AGO3: variants seen among roughly 807,000 people sequenced by gnomAD.
AGO3 encodes argonaute RISC catalytic component 3.
A neutral mutation model predicts 105.5 loss-of-function variants in AGO3; 16 were observed. That is an observed-to-expected ratio of 0.15 (90% CI 0.10 to 0.23). AGO3 has a LOEUF of 0.23. AGO3 is among the 10% of genes least tolerant of loss of function. The probability of loss-of-function intolerance (pLI) is 1.00; values close to 1 mark genes in which losing one functional copy is unlikely to be tolerated. For synonymous variants in AGO3, 340 were observed against 367.3 expected (o/e 0.93, Z 0.85); for missense variants, 534 against 1,088.0 (o/e 0.49, Z 7.16).
At chr1:35,973,635 C>T (rs1397281433) in intron 5 of AGO3, 124 bp downstream of exon 5, 1 of 1,091,522 alleles carries the variant, frequency 9.2e-7, no homozygotes, top group Non-Finnish European at 1.2e-6. Flanking sequence ...GTATTATGAT[C>T]TACTGGAGAA....
chr1:35,942,899 C>G (rs1022871966), intron 1 of AGO3, among the ~76,000 whole-genome samples: 1 of 152,164 alleles, frequency 6.6e-6, no homozygotes, highest in African/African-American at 2.4e-5. Context: ...TCTCAACTCC[C>G]GGTGACCACA....
At chr1:36,014,920 C>T (rs1640824657) in intron 11 of AGO3, among the ~76,000 whole-genome samples, 1 of 152,156 alleles carries the variant, frequency 6.6e-6, no homozygotes, top group South Asian at 2.1e-4. Flanking sequence ...TCTGCTCTCA[C>T]ACCAGAGCAA....
intron 16 of AGO3, 84 bp downstream of exon 16, chr1:36,040,525 A>G: frequency 6.8e-7 from 1 of 1,463,168 alleles, no homozygotes; most frequent in Non-Finnish European, 9.4e-7. Context: ...GCCCTCTGCC[A>G]ACAGCAGGAT....
At chr1:36,047,923 A>C (rs561217596) in intron 17 of AGO3, among the ~76,000 whole-genome samples, 1 of 151,924 alleles carries the variant, frequency 6.6e-6, no homozygotes, top group Non-Finnish European at 1.5e-5. Context: ...AAATCTGGGG[A>C]GAAATATAGA....
At chr1:35,940,014 G>T (rs373236841) in intron 1 of AGO3, among the ~76,000 whole-genome samples, 2 of 151,514 alleles carry the variant, frequency 1.3e-5, no homozygotes, top group East Asian at 3.9e-4. Flanking sequence ...TCTAATCATT[G>T]TTCAAATTTT....
intron 12 of AGO3, among the ~76,000 whole-genome samples, chr1:36,033,165 A>C (rs912711486): frequency 4.0e-5 from 6 of 151,664 alleles, no homozygotes; most frequent in African/African-American, 1.5e-4. Flanking sequence ...AAAAAAAATA[A>C]AAAGTAAATA....
intron 9 of AGO3, among the ~76,000 whole-genome samples, chr1:36,010,595 C>G (rs1165700454): frequency 1.4e-4 from 20 of 144,906 alleles, no homozygotes; most frequent in African/African-American, 5.1e-4. Context: ...GAGTGAGACT[C>G]TGTCTCAAAA....
At chr1:36,014,249 C>A (rs191544133) in intron 11 of AGO3, among the ~76,000 whole-genome samples, 1 of 151,858 alleles carries the variant, frequency 6.6e-6, no homozygotes, top group South Asian at 2.1e-4. Context: ...ACCTCCACCT[C>A]CCAGGCTCAA....
chr1:35,991,290 T>G (rs1169394938), intron 5 of AGO3, among the ~76,000 whole-genome samples: 1 of 151,910 alleles, frequency 6.6e-6, no homozygotes. Context: ...TGAGACTCCA[T>G]CTCCAAAAAC....
At chr1:35,937,776 G>T (rs1571404017) in intron 1 of AGO3, among the ~76,000 whole-genome samples, 1 of 152,106 alleles carries the variant, frequency 6.6e-6, no homozygotes, top group Non-Finnish European at 1.5e-5. Flanking sequence ...TTATTTAATT[G>T]TAATGAGCCT....
chr1:35,948,844 A>G (rs1303210301), intron 2 of AGO3, among the ~76,000 whole-genome samples: 1 of 152,052 alleles, frequency 6.6e-6, no homozygotes, highest in Non-Finnish European at 1.5e-5. Context: ...TAGATTTGTA[A>G]TTTAAATGTT....
rs1013090060 is a variant in AGO3, at chr1:36,004,381, G to T, written c.699G>T (p.Gln233His). 2 of 1,610,026 alleles carry T rather than the reference G, an allele frequency of 1.2e-6. No individual in the cohort carries two copies. The highest frequency in any genetic ancestry group is 4.5e-5 in the East Asian group (2 of 44,802). Residue 233 changes from glutamine (Q) to histidine (H), a missense_variant, in exon 6 of 19, where the codon CAG (glutamine) becomes CAT (histidine). Gln to His is a conservative substitution (Grantham distance 24). Coordinates refer to ENST00000373191, the MANE Select transcript of AGO3 (RefSeq NM_024852.4). The stretch of plus-strand genomic sequence containing the variant: ...TCTACAAAGCACAACCTGTAATTCA[G>T]TTCATGTGTGAAGTTCTTGATATTC... The part of the protein sequence containing the change: ...TAFYKAQPVI[Q>H]FMCEVLDIHN...
chr1:35,934,521 G>T (rs1208511588), intron 1 of AGO3, among the ~76,000 whole-genome samples: 1 of 152,098 alleles, frequency 6.6e-6, no homozygotes, highest in Non-Finnish European at 1.5e-5. Context: ...TTGCATATAT[G>T]GGAAGCTAGA....
At chr1:35,968,107 T>C (rs542282630) in intron 3 of AGO3, among the ~76,000 whole-genome samples, 60 of 152,336 alleles carry the variant, frequency 3.9e-4, no homozygotes, top group African/African-American at 1.4e-3. Context: ...GTGCATCATA[T>C]CAGGAAGCAC....
intron 15 of AGO3, 21 bp downstream of exon 15, chr1:36,040,005 T>C: frequency 6.3e-7 from 1 of 1,592,330 alleles, no homozygotes; most frequent in Non-Finnish European, 8.6e-7. Context: ...TAGAATCTCA[T>C]CAGACTATGG....
chr1:36,060,728 G>A lies in AGO3; in HGVS notation c.*4983G>A, dbSNP rs1038603521. The stretch of plus-strand genomic sequence containing the variant: ...GGCAGGTTGCCCTTAACAGTAACTT[G>A]CTACTTAAATTACCTTTTATTAGTT... On this transcript the variant is annotated 3_prime_UTR_variant, in exon 19 of 19. Coordinates refer to ENST00000373191, the MANE Select transcript of AGO3 (RefSeq NM_024852.4). The A allele has an allele frequency of 9.9e-4, 151 of 152,128 alleles. 2 individuals carry two copies. The highest frequency in any genetic ancestry group is 3.5e-3 in the African/African-American group (145 of 41,418). The allele number at this position is 152,128 out of a possible 1,614,324, so 9.4% of individuals were successfully genotyped here. A position where few individuals can be genotyped will look rare whatever the true frequency, so the allele number is the denominator to read the frequency against.
chr1:35,995,209 A>AAATATATATATATAT (rs1237315557), intron 5 of AGO3, among the ~76,000 whole-genome samples: 2 of 114,790 alleles, frequency 1.7e-5, no homozygotes, highest in African/African-American at 7.5e-5. Context: ...TAAAAAAAAA[A>AAATATATATATATAT]ATATATATAT....
In AGO3 at chr1:36,054,932, T is replaced by A; in HGVS notation, c.2275-14T>A. On this transcript the variant is annotated splice_polypyrimidine_tract_variant and intron_variant, in intron 17 of 18. Coordinates refer to ENST00000373191, the MANE Select transcript of AGO3 (RefSeq NM_024852.4). Reference sequence around the variant, plus strand: ...TTCAAAATTCAACAGTGTATGTCATTGCCTTCTCTATAGGGTACCAGTCGT... The same window carrying A: ...TTCAAAATTCAACAGTGTATGTCATAGCCTTCTCTATAGGGTACCAGTCGT... 6.2e-7 allele frequency: 1 copy of A among 1,611,928 alleles called. No individual in the cohort carries two copies. The highest frequency in any genetic ancestry group is 8.5e-7 in the Non-Finnish European group (1 of 1,178,064).
intron 1 of AGO3, among the ~76,000 whole-genome samples, chr1:35,938,988 A>G (rs993898874): frequency 4.6e-5 from 7 of 152,160 alleles, no homozygotes; most frequent in African/African-American, 1.7e-4. Flanking sequence ...TTTGAAATTT[A>G]GTTTGGTTAG....
Sources: allele counts gnomAD v4.1 joint callset (sites outside exome capture counted in the v4.1 genomes callset), GRCh38; gene constraint gnomAD v4.1.1; transcripts MANE v1.5; gene names NCBI Gene and HGNC (gene_info 2026-07-23, HGNC 2026-07-21).